FRMD5: variants seen among roughly 807,000 people sequenced by gnomAD.
FRMD5 encodes the protein FERM domain-containing protein 5.
FRMD5 carries 20 observed loss-of-function variants against 69.0 expected under a neutral mutation model. The ratio of observed to expected loss-of-function variants is 0.29; its 90% CI spans 0.20 to 0.42. The LOEUF (loss-of-function observed/expected upper bound fraction) is 0.42. Among genes scored for constraint, FRMD5 ranks in the 10% least tolerant of loss-of-function variants. The pLI is 1.00. For synonymous variants in FRMD5, 271 were observed against 260.1 expected (o/e 1.04, Z -0.40); for missense variants, 595 against 708.6 (o/e 0.84, Z 1.82).
intron 1 of FRMD5, among the ~76,000 whole-genome samples, chr15:44,103,630 G>C (rs370924636): frequency 9.2e-5 from 14 of 152,252 alleles, no homozygotes; most frequent in African/African-American, 3.1e-4. Flanking sequence ...ATCAACTTTA[G>C]AACATTTTCA....
chr15:44,127,896 G>C (rs1194811934), intron 1 of FRMD5, among the ~76,000 whole-genome samples: 12 of 151,978 alleles, frequency 7.9e-5, no homozygotes, highest in Non-Finnish European at 1.6e-4. Context: ...AAATAACCCA[G>C]CAGATGTCGA....
At chr15:44,093,576 T>A (rs1174893570) in intron 1 of FRMD5, among the ~76,000 whole-genome samples, 1 of 147,310 alleles carries the variant, frequency 6.8e-6, no homozygotes, top group Non-Finnish European at 1.5e-5. Context: ...CATGCTATCT[T>A]TTTTTTTTTT....
At chr15:43,902,300 G>C in intron 6 of FRMD5, 38 bp from the exon 7 acceptor site, 1 of 1,490,320 alleles carries the variant, frequency 6.7e-7, no homozygotes, top group Non-Finnish European at 9.4e-7. Context: ...AAGGTGTCTT[G>C]TTCCCACAGG....
intron 1 of FRMD5, among the ~76,000 whole-genome samples, chr15:44,151,659 G>C (rs2077449304): frequency 6.6e-6 from 1 of 151,960 alleles, no homozygotes; most frequent in Admixed American, 6.6e-5. Flanking sequence ...AAAACTCTTA[G>C]AACAAACAGA....
chr15:44,117,991 CTTTTT>C (rs747747488), intron 1 of FRMD5, among the ~76,000 whole-genome samples: 24 of 92,608 alleles, frequency 2.6e-4, no homozygotes, highest in African/African-American at 8.3e-4. Context: ...TTCTTTTTTA[CTTTTT>C]TTTTTTTTTT....
At chr15:44,154,738 T>C (rs929803680) in intron 1 of FRMD5, among the ~76,000 whole-genome samples, 5 of 152,178 alleles carry the variant, frequency 3.3e-5, no homozygotes, top group Admixed American at 2.6e-4. Flanking sequence ...GGCAAGTCTA[T>C]AGACACAAAA....
intron 1 of FRMD5, among the ~76,000 whole-genome samples, chr15:43,951,987 TGTGTGTGTGTGTC>T (rs2090040729): frequency 3.6e-5 from 4 of 111,774 alleles, no homozygotes; most frequent in African/African-American, 1.1e-4. Flanking sequence ...GTGTTGTGTG[TGTGTGTGTGTGTC>T]TGTGTGTGTG....
At chr15:44,077,087 A>T (rs1196788658) in intron 1 of FRMD5, among the ~76,000 whole-genome samples, 1 of 151,890 alleles carries the variant, frequency 6.6e-6, no homozygotes, top group African/African-American at 2.4e-5. Flanking sequence ...TCTTTTGCTC[A>T]CTCTCTTGGA....
In FRMD5 at chr15:43,905,873, T is replaced by G; in HGVS notation, c.506A>C (p.Glu169Ala). 1 of 1,614,236 alleles carries G rather than the reference T, an allele frequency of 6.2e-7. No individual in the cohort carries two copies. Among genetic ancestry groups the G allele is most frequent in the Non-Finnish European group, 8.5e-7 (1 of 1,180,042 alleles). ...SKFQFFPKHS[E>A]KLERKIAEIH... ...CTCAGCAATTTTCCTTTCCAGCTTC[T>G]CTGAATGTTTAGGGAAAAACTGGAA... The change falls in exon 6 of 14, where the codon GAG becomes GCG. Residue 169 changes from glutamate (E) to alanine (A), a missense_variant. Around this residue, in one of 5 missense-constraint regions of FRMD5, gnomAD observed 51 missense variants for 41.7 expected, o/e 1.22. Transcript: ENST00000417257.
At chr15:44,037,024 A>G (rs765604571) in intron 1 of FRMD5, among the ~76,000 whole-genome samples, 11 of 152,100 alleles carry the variant, frequency 7.2e-5, no homozygotes, top group African/African-American at 2.7e-4. Flanking sequence ...TCTGGGATAC[A>G]TGTGCAGAAT....
chr15:44,186,202 C>T (rs551211658), intron 1 of FRMD5, among the ~76,000 whole-genome samples: 3 of 152,328 alleles, frequency 2.0e-5, no homozygotes, highest in South Asian at 4.1e-4. Context: ...GCTGGGATTA[C>T]AGGCGTGAGC....
At chr15:44,076,141 G>A (rs570245851) in intron 1 of FRMD5, among the ~76,000 whole-genome samples, 40 of 152,240 alleles carry the variant, frequency 2.6e-4, no homozygotes, top group South Asian at 1.0e-3. Context: ...TGGAGAGGAT[G>A]TGGAGAAATA....
intron 1 of FRMD5, among the ~76,000 whole-genome samples, chr15:44,140,510 AAAAT>A (rs1267073763): frequency 6.6e-6 from 1 of 152,156 alleles, no homozygotes; most frequent in Non-Finnish European, 1.5e-5. Context: ...AGCAAGAAGA[AAAAT>A]AAAAGGCACA....
intron 1 of FRMD5, among the ~76,000 whole-genome samples, chr15:44,142,334 G>A (rs1342759134): frequency 6.6e-6 from 1 of 152,126 alleles, no homozygotes; most frequent in African/African-American, 2.4e-5. Context: ...AATCTACAAA[G>A]CTTTTCAAAG....
At chr15:43,920,006 G>T (rs952501271) in intron 2 of FRMD5, among the ~76,000 whole-genome samples, 197 bp from the exon 3 acceptor site, 3 of 152,236 alleles carry the variant, frequency 2.0e-5, no homozygotes, top group Non-Finnish European at 1.5e-5. Context: ...CTGTGAAGGG[G>T]GGAATAGTTC....
At chr15:43,939,179 T>C (rs2089818738) in intron 1 of FRMD5, among the ~76,000 whole-genome samples, 1 of 151,964 alleles carries the variant, frequency 6.6e-6, no homozygotes, top group African/African-American at 2.4e-5. Flanking sequence ...AGCCAATAGA[T>C]TTATTTTTTG....
chr15:44,097,588 T>C lies in FRMD5; in HGVS notation c.102+97365A>G, dbSNP rs545004441. ...AGGGCTCTGCCTTTAACACTGTATA[T>C]AGAATAATATGTTACAGTGTATAAA... On this transcript the variant is annotated intron_variant, in intron 1 of 13. Coordinates refer to ENST00000417257, the MANE Select transcript of FRMD5 (RefSeq NM_032892.5). Among the ~76,000 whole-genome samples, 313 of 152,292 alleles carry C rather than the reference T, an allele frequency of 2.1e-3. 6 individuals carry two copies. Among genetic ancestry groups the C allele is most frequent in the Non-Finnish European group, 9.4e-4 (64 of 68,026 alleles).
At chr15:44,149,120 A>G (rs945632528) in intron 1 of FRMD5, among the ~76,000 whole-genome samples, 3 of 152,196 alleles carry the variant, frequency 2.0e-5, no homozygotes, top group African/African-American at 7.2e-5. Context: ...ATTTTGTTAT[A>G]TCAACAACCA....
chr15:43,925,910 G>T (rs1381652648), intron 1 of FRMD5, among the ~76,000 whole-genome samples: 1 of 152,020 alleles, frequency 6.6e-6, no homozygotes, highest in African/African-American at 2.4e-5. Context: ...ATCTCATTTT[G>T]CCATTTATGT....
Sources: gnomAD v4.1 joint callset for allele counts (sites outside exome capture counted in the v4.1 genomes callset) on GRCh38, gnomAD v4.1.1 for gene constraint, gnomAD v4.1.1 regional missense constraint, MANE v1.5 for transcripts, NCBI Gene and HGNC (gene_info 2026-07-23, HGNC 2026-07-21) for gene names.